Variants in DACH2 observed in about 807,000 individuals in gnomAD.
DACH2 encodes the protein dachshund homolog 2.
DACH2 carries 17 observed loss-of-function variants against 35.8 expected under a neutral mutation model. That is an observed-to-expected ratio of 0.48 (90% CI 0.33 to 0.71). The LOEUF is 0.71. Ranked by LOEUF, DACH2 falls within the 30% of genes least tolerant of loss-of-function variation. DACH2 has a pLI of 0.02. For synonymous variants in DACH2, 195 were observed against 177.3 expected (o/e 1.10, Z -0.79); for missense variants, 469 against 472.7 (o/e 0.99, Z 0.07).
chrX:86,544,704 A>G (rs1043557237), intron 3 of DACH2, among the ~76,000 whole-genome samples: 4 of 111,545 alleles, frequency 3.6e-5, no homozygotes, highest in African/African-American at 1.3e-4. Flanking sequence ...AAGTACAAAG[A>G]CTATTGACAC....
intron 1 of DACH2, among the ~76,000 whole-genome samples, chrX:86,206,040 G>A (rs1351418026): frequency 9.0e-6 from 1 of 111,610 alleles, no homozygotes; most frequent in Non-Finnish European, 1.9e-5. Context: ...TCATTTTATA[G>A]GGAAGGGAAA....
intron 3 of DACH2, among the ~76,000 whole-genome samples, chrX:86,601,099 G>A (rs1001141858): frequency 9.0e-6 from 1 of 110,667 alleles, no homozygotes; most frequent in Admixed American, 9.7e-5. Flanking sequence ...AATTAAAGGG[G>A]GCTTTCTATA....
At chrX:86,368,564 CTT>C (rs11446638) in intron 1 of DACH2, among the ~76,000 whole-genome samples, 2,713 of 84,237 alleles carry the variant, frequency 0.032, 58 homozygotes, top group East Asian at 0.22. Flanking sequence ...CTTTCTTCTT[CTT>C]TTTTTTTTTT....
intron 2 of DACH2, among the ~76,000 whole-genome samples, chrX:86,400,089 C>A (rs1306326138): frequency 9.0e-6 from 1 of 111,168 alleles, no homozygotes; most frequent in East Asian, 2.8e-4. Flanking sequence ...TCTTTTTATT[C>A]TTTTTTCTCT....
chrX:86,747,235 C>G (rs902830433), intron 7 of DACH2, among the ~76,000 whole-genome samples: 7 of 111,516 alleles, frequency 6.3e-5, no homozygotes, highest in Non-Finnish European at 1.3e-4. Flanking sequence ...GGAATTACAA[C>G]AAGGATTCTA....
chrX:86,533,880 A>G (rs1266618868), intron 3 of DACH2, among the ~76,000 whole-genome samples: 4 of 111,035 alleles, frequency 3.6e-5, no homozygotes, highest in African/African-American at 1.3e-4. Flanking sequence ...ATCTCATGTG[A>G]TATTTGTGGC....
chrX:86,640,360 T>G (rs892339523), intron 3 of DACH2, among the ~76,000 whole-genome samples: 2 of 111,137 alleles, frequency 1.8e-5, no homozygotes, highest in African/African-American at 6.6e-5. Flanking sequence ...TCCAACAAGC[T>G]ACAGACACAA....
At position 86,410,553 on chromosome X, in the gene DACH2, C is replaced by T. The variant is rs190316291; in HGVS notation, c.527+33691C>T. Among the ~76,000 whole-genome samples the T allele has an allele frequency of 4.6e-3, 507 of 111,317 alleles. 2 individuals carry two copies. The highest frequency in any genetic ancestry group is 7.9e-3 in the Non-Finnish European group (421 of 53,047). On this transcript the variant is annotated intron_variant, in intron 2 of 11. Transcript: ENST00000373125. ...GGGGGTACAGGGGAATTTCACAAGCCTTCCCAAAAACATGGGAAAGTAAAT... is the reference window on the plus strand; with the variant it reads ...GGGGGTACAGGGGAATTTCACAAGCTTTCCCAAAAACATGGGAAAGTAAAT...
At chrX:86,266,341 G>T (rs1239951102) in intron 1 of DACH2, among the ~76,000 whole-genome samples, 2 of 111,287 alleles carry the variant, frequency 1.8e-5, no homozygotes, top group African/African-American at 6.5e-5. Context: ...AACTGTGCTG[G>T]AAACACGGGT....
chrX:86,627,515 T>C (rs1290729250), intron 3 of DACH2, among the ~76,000 whole-genome samples: 1 of 111,663 alleles, frequency 9.0e-6, no homozygotes, highest in Non-Finnish European at 1.9e-5. Flanking sequence ...TATAATTAAA[T>C]ATTATTGTTA....
chrX:86,419,455 C>T (rs1033869810), intron 2 of DACH2, among the ~76,000 whole-genome samples: 1 of 111,886 alleles, frequency 8.9e-6, no homozygotes, highest in African/African-American at 3.3e-5. Context: ...AGCAAGAGAG[C>T]TTGCTCAGGG....
intron 6 of DACH2, among the ~76,000 whole-genome samples, chrX:86,738,537 C>G (rs1342392753): frequency 9.0e-6 from 1 of 111,490 alleles, no homozygotes; most frequent in African/African-American, 3.3e-5. Flanking sequence ...ATAGAACATT[C>G]TCTGTGCTGG....
At chrX:86,425,155 T>G (rs1330452472) in intron 2 of DACH2, among the ~76,000 whole-genome samples, 1 of 110,840 alleles carries the variant, frequency 9.0e-6, no homozygotes, top group African/African-American at 3.3e-5. Flanking sequence ...GTGTGTGTCT[T>G]TATCTGGTTT....
intron 11 of DACH2, among the ~76,000 whole-genome samples, chrX:86,826,539 T>A (rs189115834): frequency 9.0e-6 from 1 of 111,719 alleles, no homozygotes; most frequent in East Asian, 2.8e-4. Flanking sequence ...CAAAGAGTAA[T>A]CAAACAGTGT....
At chrX:86,734,117 A>G (rs985848299) in intron 6 of DACH2, among the ~76,000 whole-genome samples, 10 of 110,651 alleles carry the variant, frequency 9.0e-5, no homozygotes, top group African/African-American at 3.3e-4. Flanking sequence ...ATTTTATGCT[A>G]TGGTCAGATA....
intron 1 of DACH2, among the ~76,000 whole-genome samples, chrX:86,241,199 A>G (rs2033158987): frequency 1.8e-5 from 2 of 111,920 alleles, no homozygotes; most frequent in Admixed American, 9.5e-5. Flanking sequence ...TGAACTTCCT[A>G]GAGACTTGTT....
chrX:86,747,842 C>A (rs1490716808), intron 7 of DACH2, among the ~76,000 whole-genome samples: 2 of 111,672 alleles, frequency 1.8e-5, no homozygotes, highest in Admixed American at 1.9e-4. Flanking sequence ...GCATGTGATG[C>A]TGTTTGAAGG....
At chrX:86,476,740 G>A (rs1344874782) in intron 2 of DACH2, among the ~76,000 whole-genome samples, 2 of 111,293 alleles carry the variant, frequency 1.8e-5, no homozygotes, top group Non-Finnish European at 3.8e-5. Flanking sequence ...GCATTGTTAG[G>A]TTGTGTATTT....
At chrX:86,288,125 C>G in intron 1 of DACH2, among the ~76,000 whole-genome samples, 1 of 112,637 alleles carries the variant, frequency 8.9e-6, no homozygotes, top group East Asian at 2.8e-4. Flanking sequence ...AGCTCTGTGA[C>G]TCTTGCAGAC....
Sources: allele counts gnomAD v4.1 joint callset (sites outside exome capture counted in the v4.1 genomes callset), GRCh38; gene constraint gnomAD v4.1.1; transcripts MANE v1.5; gene names NCBI Gene and HGNC (gene_info 2026-07-23, HGNC 2026-07-21).